Variants in ZNF510 observed in about 807,000 individuals in gnomAD.
ZNF510 encodes the protein zinc finger protein 510.
In ZNF510, 15 loss-of-function variants were observed where a neutral mutation model predicts 18.1. That is an observed-to-expected ratio of 0.83 (90% CI 0.55 to 1.28). The LOEUF is 1.28. Among genes scored for constraint, ZNF510 ranks in the 50% most tolerant of loss-of-function variants. The pLI is 0.00. For synonymous variants in ZNF510, 261 were observed against 266.4 expected (o/e 0.98, Z 0.20); for missense variants, 724 against 791.8 (o/e 0.91, Z 1.03).
rs918448741 is a variant in ZNF510 at position 96,757,545 on chromosome 9, T to C, written c.*1233A>G. The C allele has an allele frequency of 1.3e-5, 2 of 152,182 alleles. No homozygotes were observed. The highest frequency in any genetic ancestry group is 2.9e-5 in the Non-Finnish European group (2 of 68,028). 9.4% of individuals were successfully genotyped at this position (152,182 alleles called of 1,614,324 possible). On this transcript the variant is annotated 3_prime_UTR_variant, in exon 6 of 6. Transcript: ENST00000223428. ...AGCTTTCTGCCTTCCTAGCAGAAGA[T>C]AACTAAATTATGTGTAGAAACAAAT...
At chr9:96,775,562 CAA>C (rs1308122138) in intron 2 of ZNF510, among the ~76,000 whole-genome samples, 1 of 152,156 alleles carries the variant, frequency 6.6e-6, no homozygotes, top group African/African-American at 2.4e-5. Flanking sequence ...TATAGTTTCT[CAA>C]AAGACTTTCG....
At chr9:96,769,650 A>G (rs528873196) in intron 3 of ZNF510, among the ~76,000 whole-genome samples, 4 of 152,322 alleles carry the variant, frequency 2.6e-5, no homozygotes, top group African/African-American at 9.6e-5. Context: ...GAACCTACAG[A>G]ATAGGAGAAA....
chr9:96,766,439 A>T (rs1173000109), intron 3 of ZNF510, among the ~76,000 whole-genome samples: 2 of 149,042 alleles, frequency 1.3e-5, no homozygotes, highest in African/African-American at 5.0e-5. Context: ...TTGTTTATGT[A>T]TTATCTATGG....
chr9:96,767,387 A>G (rs1240126803), intron 3 of ZNF510, among the ~76,000 whole-genome samples: 2 of 152,128 alleles, frequency 1.3e-5, no homozygotes, highest in Non-Finnish European at 2.9e-5. Flanking sequence ...TAGAAAATAC[A>G]TTGAGATTAC....
In ZNF510 at chr9:96,758,822, G is replaced by A; in HGVS notation, c.2008C>T (p.Leu670=). 1 of 1,611,282 alleles carries A rather than the reference G, an allele frequency of 6.2e-7. No individual in the cohort carries two copies. The highest frequency in any genetic ancestry group is 8.5e-7 in the Non-Finnish European group (1 of 1,178,400). ...EYGKLCKKST[L]SLYQKIQGEG... ...CCCTGAATTTTCTGGTATAAGCTTA[G>A]GGTAGACTTCTTACATAATTTCCCA... The change falls in exon 6 of 6, where the codon CTA becomes TTA. Residue 670 remains leucine, a synonymous_variant. Transcript: ENST00000223428.
chr9:96,760,528 T>C, intron 5 of ZNF510, 51 bp from the exon 6 acceptor site: 2 of 1,488,026 alleles, frequency 1.3e-6, no homozygotes, highest in South Asian at 2.8e-5. Context: ...CTTCTGTGGG[T>C]AGAGCTTTAT....
At chr9:96,762,225 A>G (rs1564435960) in intron 5 of ZNF510, among the ~76,000 whole-genome samples, 1 of 139,174 alleles carries the variant, frequency 7.2e-6, no homozygotes, top group African/African-American at 3.3e-5. Context: ...AAAAAAAAAA[A>G]GAGGCCAGGC....
intron 3 of ZNF510, among the ~76,000 whole-genome samples, chr9:96,771,432 T>TAAAAAA (rs199560208): frequency 6.4e-5 from 9 of 141,652 alleles, no homozygotes; most frequent in African/African-American, 2.3e-4. Context: ...CATGCATGAT[T>TAAAAAA]AAAAAAAAAA....
chr9:96,775,887 C>T lies in ZNF510; in HGVS notation c.70+113G>A, dbSNP rs2289650. ...CTATGAGGAGGATTAGAGACAATTT[C>T]CTCAGCCCTGGCTGGTTATGCCTTC... is the stretch of plus-strand genomic sequence containing the variant. On this transcript the variant is annotated intron_variant, in intron 2 of 5. Transcript: ENST00000223428. The T allele has an allele frequency of 7.3e-3, 10,093 of 1,373,456 alleles. 309 individuals carry two copies. In the East Asian group the frequency reaches 0.093, roughly 13 times the overall value. The allele number at this position is 1,373,456 out of a possible 1,614,324, so 85.1% of individuals were successfully genotyped here. A position where few individuals can be genotyped will look rare whatever the true frequency, so the allele number is the denominator to read the frequency against.
Position 96,755,483 on chromosome 9 carries a change from G to A in ZNF510, c.*3295C>T, listed in dbSNP as rs945935517. Among the ~76,000 whole-genome samples the A allele has an allele frequency of 6.6e-6, 1 of 152,086 alleles. No homozygotes were observed. The highest frequency in any genetic ancestry group is 2.1e-4 in the South Asian group (1 of 4,818). On this transcript the variant is annotated 3_prime_UTR_variant, in exon 6 of 6. Coordinates refer to ENST00000223428, the MANE Select transcript of ZNF510 (RefSeq NM_014930.3). ...AGGGGTAACCTTATGCTCTCCTATT[G>A]TCAATGCATTTTCTTGGTAAGGCTG...
chr9:96,763,810 T>C, intron 3 of ZNF510, 178 bp from the exon 4 acceptor site: 1 of 597,830 alleles, frequency 1.7e-6, no homozygotes. Context: ...TAAAAGTTTT[T>C]ATAGGAGAGG....
intron 3 of ZNF510, among the ~76,000 whole-genome samples, chr9:96,770,528 A>C (rs1354055329): frequency 1.3e-5 from 2 of 151,722 alleles, no homozygotes; most frequent in African/African-American, 4.8e-5. Context: ...CTTGAACCTG[A>C]GGGGGCGGAT....
intron 2 of ZNF510, 103 bp from the exon 3 acceptor site, chr9:96,774,949 T>C: frequency 1.1e-6 from 1 of 941,294 alleles, no homozygotes; most frequent in Non-Finnish European, 1.7e-6. Flanking sequence ...CTACAAAAAA[T>C]GTTCCTTTGA....
In ZNF510 at chr9:96,776,513, G is replaced by A. The variant is rs11999877; in HGVS notation, c.-176-268C>T. Among the ~76,000 whole-genome samples, 367 of 152,284 alleles carry A rather than the reference G, an allele frequency of 2.4e-3. 3 individuals carry two copies. Among genetic ancestry groups the A allele is most frequent in the African/African-American group, 8.3e-3 (343 of 41,568 alleles). On this transcript the variant is annotated intron_variant, in intron 1 of 5. Transcript: ENST00000223428. ...CTCCAGGCCGGGCGTGGTGGCTCACGCCTGTAATCCCAGGACTGTGGGAGG... is the reference window on the plus strand; with the variant it reads ...CTCCAGGCCGGGCGTGGTGGCTCACACCTGTAATCCCAGGACTGTGGGAGG...
At chr9:96,764,350 C>A (rs1410708400) in intron 3 of ZNF510, among the ~76,000 whole-genome samples, 1 of 152,144 alleles carries the variant, frequency 6.6e-6, no homozygotes, top group African/African-American at 2.4e-5. Flanking sequence ...CAGTGTCTTG[C>A]TATGTTGCCT....
intron 1 of ZNF510, among the ~76,000 whole-genome samples, chr9:96,776,834 G>A (rs1849713842): frequency 6.6e-6 from 1 of 152,092 alleles, no homozygotes; most frequent in Non-Finnish European, 1.5e-5. Flanking sequence ...TCCCTAGGGA[G>A]CAAAATCCTC....
In ZNF510 at chr9:96,758,858, ATTCATAAGAT is replaced by A; in HGVS notation, c.1962_1971del (p.Lys654AsnfsTer14). The A allele has an allele frequency of 6.2e-7, 1 of 1,613,958 alleles. No homozygotes were observed. Among genetic ancestry groups the A allele is most frequent in the Non-Finnish European group, 8.5e-7 (1 of 1,179,926 alleles). On this transcript the variant is annotated frameshift_variant, in exon 6 of 6. Coordinates refer to ENST00000223428, the MANE Select transcript of ZNF510 (RefSeq NM_014930.3). LOFTEE classifies it low-confidence loss of function (END_TRUNC). ...TTACATAATTTCCCATATTCATTGCATTCATAAGATTTCTCCCCACTGTGAGTCCTTTGAT... is the reference window on the plus strand; with the variant it reads ...TTACATAATTTCCCATATTCATTGCATTCTCCCCACTGTGAGTCCTTTGAT...
Position 96,757,026 on chromosome 9 carries a change from AC to A in ZNF510, c.*1751del, listed in dbSNP as rs2117888918. The A allele has an allele frequency of 6.6e-6, 1 of 152,378 alleles. No homozygotes were observed. Among genetic ancestry groups the A allele is most frequent in the East Asian group, 1.9e-4 (1 of 5,194 alleles). 9.4% of individuals were successfully genotyped at this position (152,378 alleles called of 1,614,324 possible). A position where few individuals can be genotyped will look rare whatever the true frequency, so the allele number is the denominator to read the frequency against. On this transcript the variant is annotated 3_prime_UTR_variant, in exon 6 of 6. Transcript: ENST00000223428. Reference sequence around the variant, plus strand: ...ATACTCTACTGGCCCAAAGTACCTCACCCATAAAGTTATTAAATTTGTTTGC... The same window carrying A: ...ATACTCTACTGGCCCAAAGTACCTCACCATAAAGTTATTAAATTTGTTTGC...
chr9:96,773,079 A>G (rs899414311), intron 3 of ZNF510, among the ~76,000 whole-genome samples: 1 of 152,336 alleles, frequency 6.6e-6, no homozygotes, highest in East Asian at 1.9e-4. Flanking sequence ...TCCCTTGAAA[A>G]CTGTAAAAGA....
Sources: gnomAD v4.1 joint callset for allele counts (sites outside exome capture counted in the v4.1 genomes callset) on GRCh38, gnomAD v4.1.1 for gene constraint, MANE v1.5 for transcripts, NCBI Gene and HGNC (gene_info 2026-07-23, HGNC 2026-07-21) for gene names.